JAZF1: variants seen among roughly 807,000 people sequenced by gnomAD.
The protein encoded by JAZF1 is juxtaposed with another zinc finger protein 1.
Under a neutral mutation model 26.4 loss-of-function variants are expected in JAZF1, and 8 were observed. That is an observed-to-expected ratio of 0.30 (90% CI 0.18 to 0.55). The LOEUF is 0.55. Among genes scored for constraint, JAZF1 ranks in the 20% least tolerant of loss-of-function variants. The probability of loss-of-function intolerance (pLI) is 0.94; values close to 1 mark genes in which losing one functional copy is unlikely to be tolerated. For missense variants in JAZF1, 199 were observed against 322.0 expected (o/e 0.62, Z 2.92); for synonymous variants, 126 against 122.3 (o/e 1.03, Z -0.20).
At chr7:27,894,456 GT>G (rs1784024864) in intron 3 of JAZF1, among the ~76,000 whole-genome samples, 1 of 152,208 alleles carries the variant, frequency 6.6e-6, no homozygotes, top group South Asian at 2.1e-4. Flanking sequence ...TGAGGATAAA[GT>G]TTTGAGCAGA....
intron 1 of JAZF1, among the ~76,000 whole-genome samples, chr7:28,077,966 A>T (rs1784079615): frequency 6.6e-6 from 1 of 152,226 alleles, no homozygotes; most frequent in Admixed American, 6.5e-5. Flanking sequence ...AATCTAGCTC[A>T]AAATAACTGA....
chr7:28,180,034 T>TA (rs1783614714), intron 1 of JAZF1, among the ~76,000 whole-genome samples: 1 of 141,890 alleles, frequency 7.0e-6, no homozygotes, highest in South Asian at 2.2e-4. Flanking sequence ...CGCCTCGGGC[T>TA]ACTCCGACCA....
chr7:28,078,203 C>T (rs573914891), intron 1 of JAZF1, among the ~76,000 whole-genome samples: 5 of 152,292 alleles, frequency 3.3e-5, no homozygotes, highest in South Asian at 2.1e-4. Flanking sequence ...GTACCACTTA[C>T]GGGCAGGATG....
At chr7:28,050,941 G>T (rs2128379941) in intron 1 of JAZF1, among the ~76,000 whole-genome samples, 1 of 152,016 alleles carries the variant, frequency 6.6e-6, no homozygotes, top group East Asian at 2.0e-4. Flanking sequence ...AGACCAGCCT[G>T]GCCAAATAAT....
intron 2 of JAZF1, among the ~76,000 whole-genome samples, chr7:27,947,418 T>C (rs1157114779): frequency 1.3e-5 from 2 of 152,206 alleles, no homozygotes; most frequent in East Asian, 1.9e-4. Flanking sequence ...ATAGTAGCCA[T>C]CCATAAAGAA....
At chr7:28,126,440 G>C (rs1216830592) in intron 1 of JAZF1, among the ~76,000 whole-genome samples, 1 of 151,600 alleles carries the variant, frequency 6.6e-6, no homozygotes, top group African/African-American at 2.4e-5. Flanking sequence ...GCATGGCTGG[G>C]GGACCACTTT....
intron 2 of JAZF1, among the ~76,000 whole-genome samples, chr7:27,961,434 G>T (rs1785183311): frequency 6.6e-6 from 1 of 152,236 alleles, no homozygotes; most frequent in Non-Finnish European, 1.5e-5. Flanking sequence ...AGGCTGGTGT[G>T]TGGGTGAGTG....
chr7:28,073,073 T>C (rs1362600864), intron 1 of JAZF1, among the ~76,000 whole-genome samples: 2 of 152,212 alleles, frequency 1.3e-5, no homozygotes, highest in Non-Finnish European at 2.9e-5. Context: ...GTGTTAGCAG[T>C]GGGCAATGTG....
At chr7:28,090,337 T>C (rs1458801424) in intron 1 of JAZF1, among the ~76,000 whole-genome samples, 9 of 152,226 alleles carry the variant, frequency 5.9e-5, no homozygotes, top group Admixed American at 2.6e-4. Context: ...TTAACGAAGA[T>C]GCTAATATCC....
chr7:28,044,672 C>A (rs181380114), intron 1 of JAZF1, among the ~76,000 whole-genome samples: 6 of 152,266 alleles, frequency 3.9e-5, no homozygotes, highest in Non-Finnish European at 7.4e-5. Context: ...TAAAAATGAC[C>A]TTTCTGATTC....
At chr7:28,044,172 G>A (rs148856922) in intron 1 of JAZF1, among the ~76,000 whole-genome samples, 1 of 152,160 alleles carries the variant, frequency 6.6e-6, no homozygotes, top group Non-Finnish European at 1.5e-5. Context: ...TAAAAAAAAT[G>A]CATCAAATAT....
intron 1 of JAZF1, among the ~76,000 whole-genome samples, chr7:28,033,617 G>T (rs1323059512): frequency 1.3e-5 from 2 of 152,198 alleles, no homozygotes; most frequent in Non-Finnish European, 2.9e-5. Flanking sequence ...CCAGCTACCT[G>T]TGTAAATACT....
At chr7:28,050,943 C>T (rs1783602006) in intron 1 of JAZF1, among the ~76,000 whole-genome samples, 1 of 151,780 alleles carries the variant, frequency 6.6e-6, no homozygotes, top group Non-Finnish European at 1.5e-5. Flanking sequence ...ACCAGCCTGG[C>T]CAAATAATGA....
At chr7:28,012,760 G>C (rs1316904516) in intron 1 of JAZF1, among the ~76,000 whole-genome samples, 1 of 152,238 alleles carries the variant, frequency 6.6e-6, no homozygotes, top group East Asian at 1.9e-4. Context: ...TGTGGACAGA[G>C]GTTGATGGAC....
At chr7:28,026,116 T>C (rs1476789932) in intron 1 of JAZF1, among the ~76,000 whole-genome samples, 2 of 152,142 alleles carry the variant, frequency 1.3e-5, no homozygotes, top group Non-Finnish European at 1.5e-5. Context: ...GCTTAAGGCC[T>C]AGGTTACAGG....
chr7:28,118,450 G>A (rs1235306107), intron 1 of JAZF1, among the ~76,000 whole-genome samples: 3 of 152,090 alleles, frequency 2.0e-5, no homozygotes, highest in Non-Finnish European at 2.9e-5. Context: ...GAGAGGCAGA[G>A]GTTGCAGTGG....
chr7:28,037,076 G>C (rs1783307041), intron 1 of JAZF1, among the ~76,000 whole-genome samples: 1 of 152,162 alleles, frequency 6.6e-6, no homozygotes, highest in African/African-American at 2.4e-5. Context: ...AATCTGTTCA[G>C]AGTTTATTTG....
intron 1 of JAZF1, among the ~76,000 whole-genome samples, chr7:28,172,621 T>C (rs1009448779): frequency 6.6e-6 from 1 of 152,232 alleles, no homozygotes; most frequent in Non-Finnish European, 1.5e-5. Context: ...ATCCTCCACG[T>C]AGAATTTTAC....
chr7:27,994,460 A>C (rs1241695128), intron 1 of JAZF1, among the ~76,000 whole-genome samples: 1 of 34,132 alleles, frequency 2.9e-5, no homozygotes, highest in African/African-American at 9.0e-5. Context: ...AAAAACAAAA[A>C]ACAAAAAAAA....
Sources: gnomAD v4.1 joint callset for allele counts (sites outside exome capture counted in the v4.1 genomes callset) on GRCh38, gnomAD v4.1.1 for gene constraint, MANE v1.5 for transcripts, NCBI Gene and HGNC (gene_info 2026-07-23, HGNC 2026-07-21) for gene names.